Variants in PTPRJ observed in about 807,000 individuals in gnomAD.
PTPRJ encodes receptor-type tyrosine-protein phosphatase eta.
In PTPRJ, 129 loss-of-function variants were observed where a neutral mutation model predicts 141.3. The observed-to-expected ratio is 0.91, with a 90% CI of 0.79 to 1.06. PTPRJ has a LOEUF of 1.06. Ranked by LOEUF, PTPRJ falls within the 50% of genes least tolerant of loss-of-function variation. The pLI is 0.00. For missense variants in PTPRJ, 1,601 were observed against 1,679.7 expected (o/e 0.95, Z 0.82); for synonymous variants, 610 against 640.5 (o/e 0.95, Z 0.72).
In PTPRJ at chr11:48,164,184, G is replaced by A. The variant is rs375685350; in HGVS notation, c.3720-196G>A. ...TGGCATCTGACTCAAATGTGAGTTT[G>A]GGACTTAGGCCCCAGTCCCAAGCTA... On this transcript the variant is annotated intron_variant, in intron 23 of 24. Coordinates refer to ENST00000418331, the MANE Select transcript of PTPRJ (RefSeq NM_002843.4). Among the ~76,000 whole-genome samples the A allele has an allele frequency of 3.9e-5, 6 of 152,298 alleles. No individual in the cohort carries two copies. In the East Asian group the frequency reaches 7.7e-4, roughly 20 times the overall value.
chr11:48,009,924 GC>G (rs2134200261), intron 1 of PTPRJ, among the ~76,000 whole-genome samples: 1 of 152,314 alleles, frequency 6.6e-6, no homozygotes, highest in African/African-American at 2.4e-5. Context: ...AGCCATCAAG[GC>G]CCCCCATGCC....
intron 1 of PTPRJ, among the ~76,000 whole-genome samples, chr11:48,006,070 T>C (rs1854613212): frequency 6.6e-6 from 1 of 151,900 alleles, no homozygotes; most frequent in South Asian, 2.1e-4. Flanking sequence ...CAAGGCTGAG[T>C]GGTTGTGGGA....
intron 1 of PTPRJ, among the ~76,000 whole-genome samples, chr11:48,057,781 A>G (rs1207789038): frequency 6.6e-6 from 1 of 152,134 alleles, no homozygotes; most frequent in Non-Finnish European, 1.5e-5. Context: ...AAGCTCCCCA[A>G]CACCCCAGCA....
chr11:48,120,984 T>C lies in PTPRJ; in HGVS notation c.353-19T>C. ...CTTTTTGAAGTGCAATAATTTTTTT[T>C]TTTTTTTTAACAATATAGGGCCCAG... On this transcript the variant is annotated intron_variant, in intron 3 of 24. Coordinates refer to ENST00000418331, the MANE Select transcript of PTPRJ (RefSeq NM_002843.4). 1 of 1,515,410 alleles carries C rather than the reference T, an allele frequency of 6.6e-7. No individual in the cohort carries two copies. The highest frequency in any genetic ancestry group is 8.8e-7 in the Non-Finnish European group (1 of 1,131,624). 93.9% of individuals were successfully genotyped at this position (1,515,410 alleles called of 1,614,324 possible). A position where few individuals can be genotyped will look rare whatever the true frequency, so the allele number is the denominator to read the frequency against.
At chr11:48,041,140 T>G (rs1188221541) in intron 1 of PTPRJ, among the ~76,000 whole-genome samples, 1 of 152,062 alleles carries the variant, frequency 6.6e-6, no homozygotes, top group Non-Finnish European at 1.5e-5. Flanking sequence ...GGGTTTTATC[T>G]ATGTCTCCCT....
intron 15 of PTPRJ, among the ~76,000 whole-genome samples, chr11:48,149,012 C>G (rs543413338): frequency 6.6e-6 from 1 of 152,194 alleles, no homozygotes; most frequent in South Asian, 2.1e-4. Context: ...AGAGTTGAGT[C>G]AACAGTGCAG....
intron 22 of PTPRJ, 61 bp from the exon 23 acceptor site, chr11:48,163,396 GC>G: frequency 1.3e-6 from 2 of 1,517,992 alleles, no homozygotes. Flanking sequence ...GATTTCCCCT[GC>G]CTTTTTGATG....
At chr11:48,131,662 G>T in intron 8 of PTPRJ, 1 of 591,372 alleles carries the variant, frequency 1.7e-6, no homozygotes, top group Admixed American at 2.9e-5. Context: ...ACTGTCTATG[G>T]CTACTTTGGT....
chr11:48,047,134 T>C (rs1001117004), intron 1 of PTPRJ, among the ~76,000 whole-genome samples: 7 of 151,946 alleles, frequency 4.6e-5, no homozygotes, highest in Non-Finnish European at 1.0e-4. Flanking sequence ...CAGGCTGGTC[T>C]TGAACTCCTG....
intron 4 of PTPRJ, 79 bp from the exon 5 acceptor site, chr11:48,123,534 G>T: frequency 6.8e-7 from 1 of 1,464,810 alleles, no homozygotes. Flanking sequence ...CCCGCTCCCA[G>T]CACTGAACCC....
At chr11:48,135,927 C>T (rs757513474) in intron 8 of PTPRJ, 112 bp from the exon 9 acceptor site, 83 of 1,263,492 alleles carry the variant, frequency 6.6e-5, no homozygotes, top group Non-Finnish European at 8.0e-5. Context: ...CTTTTGTGAA[C>T]TCATTAGAAA....
chr11:48,087,006 T>C (rs1480946921), intron 1 of PTPRJ, among the ~76,000 whole-genome samples: 1 of 151,978 alleles, frequency 6.6e-6, no homozygotes, highest in Admixed American at 6.6e-5. Flanking sequence ...TCAATAGTAA[T>C]AATAATAATA....
At chr11:48,057,488 C>T (rs191324907) in intron 1 of PTPRJ, among the ~76,000 whole-genome samples, 126 of 152,234 alleles carry the variant, frequency 8.3e-4, no homozygotes, top group African/African-American at 2.9e-3. Flanking sequence ...TGATATGAAG[C>T]TGAGATTAGG....
chr11:48,148,165 G>A (rs10742834), intron 15 of PTPRJ, among the ~76,000 whole-genome samples: 106,181 of 152,054 alleles, frequency 0.7, 37,931 homozygotes, highest in South Asian at 0.8. Context: ...CTGATTTTGG[G>A]GGGGGAAATG....
chr11:48,148,964 A>C (rs1857414554), intron 15 of PTPRJ, among the ~76,000 whole-genome samples: 1 of 152,230 alleles, frequency 6.6e-6, no homozygotes, highest in South Asian at 2.1e-4. Context: ...ACATACTGCC[A>C]AATTACCTTC....
chr11:48,046,452 G>C (rs1214385915), intron 1 of PTPRJ: 2 of 152,172 alleles, frequency 1.3e-5, no homozygotes, highest in Non-Finnish European at 2.9e-5. Context: ...AAGGGTTGCT[G>C]TCATCCATTT....
chr11:48,135,786 C>G (rs1021418865), intron 8 of PTPRJ, among the ~76,000 whole-genome samples: 1 of 152,094 alleles, frequency 6.6e-6, no homozygotes, highest in Non-Finnish European at 1.5e-5. Flanking sequence ...CCTAAGGGCT[C>G]ATTTTTAAGA....
intron 1 of PTPRJ, among the ~76,000 whole-genome samples, chr11:48,038,459 A>T (rs1184566305): frequency 2.0e-5 from 3 of 151,482 alleles, no homozygotes; most frequent in Non-Finnish European, 4.4e-5. Context: ...CATCTTTAAG[A>T]CTACTGATAA....
chr11:48,130,832 T>A (rs1856959767), intron 8 of PTPRJ, 116 bp downstream of exon 8: 3 of 1,212,500 alleles, frequency 2.5e-6, no homozygotes, highest in Admixed American at 3.4e-5. Context: ...GAAAAAACTT[T>A]AAAAATTTTC....
Sources: allele counts gnomAD v4.1 joint callset (sites outside exome capture counted in the v4.1 genomes callset), GRCh38; gene constraint gnomAD v4.1.1; transcripts MANE v1.5; gene names NCBI Gene and HGNC (gene_info 2026-07-23, HGNC 2026-07-21).